The following NLN variants were observed in gnomAD, a reference collection of about 807,000 sequenced individuals.
NLN encodes neurolysin, mitochondrial.
A neutral mutation model predicts 79.9 loss-of-function variants in NLN; 64 were observed. The ratio of observed to expected loss-of-function variants is 0.80; its 90% CI spans 0.65 to 0.99. NLN has a LOEUF of 0.99. Ranked by LOEUF, NLN falls within the 50% of genes least tolerant of loss-of-function variation. The pLI is 0.00. For synonymous variants in NLN, 267 were observed against 296.6 expected (o/e 0.90, Z 1.02); for missense variants, 835 against 858.7 (o/e 0.97, Z 0.34).
intron 2 of NLN, among the ~76,000 whole-genome samples, chr5:65,761,482 G>A (rs544660246): frequency 6.6e-6 from 1 of 152,044 alleles, no homozygotes; most frequent in South Asian, 2.1e-4. Flanking sequence ...AGTAGAGACA[G>A]GATTTCACCA....
At chr5:65,739,849 T>A (rs1758833178) in intron 1 of NLN, among the ~76,000 whole-genome samples, 1 of 152,180 alleles carries the variant, frequency 6.6e-6, no homozygotes, top group Non-Finnish European at 1.5e-5. Context: ...TTTATTGGGG[T>A]TGTTTTCTTG....
chr5:65,807,941 A>T (rs1760452882), intron 9 of NLN, among the ~76,000 whole-genome samples: 1 of 152,228 alleles, frequency 6.6e-6, no homozygotes, highest in African/African-American at 2.4e-5. Context: ...GGAAAGTCTC[A>T]ACAGATGTTA....
chr5:65,744,463 C>T (rs1278679313), intron 1 of NLN, among the ~76,000 whole-genome samples: 1 of 146,560 alleles, frequency 6.8e-6, no homozygotes, highest in Non-Finnish European at 1.5e-5. Context: ...TAATAAGCTT[C>T]TCTCTCCCCT....
Position 65,785,804 on chromosome 5 carries a change from C to G in NLN, c.852C>G (p.Leu284=), listed in dbSNP as rs554293342. ...ACACCATAATTTTGCAGCAGCTACT[C>G]CCACTGCGAACCAAGGTGGCCAAAC... ...EENTIILQQL[L]PLRTKVAKLL... Residue 284 remains leucine (L), a synonymous_variant, in exon 7 of 13, where the codon CTC becomes CTG. Transcript: ENST00000380985. 7.7e-5 allele frequency: 124 copies of G among 1,613,658 alleles called. 1 individual carries two copies. In the South Asian group the frequency reaches 1.3e-3, roughly 16 times the overall value.
chr5:65,785,220 A>AT (rs1202569370), intron 6 of NLN, among the ~76,000 whole-genome samples: 1 of 152,098 alleles, frequency 6.6e-6, no homozygotes, highest in Non-Finnish European at 1.5e-5. Flanking sequence ...ATATGGTATA[A>AT]TTTTTTTAGG....
intron 12 of NLN, among the ~76,000 whole-genome samples, chr5:65,817,248 G>A (rs1446495214): frequency 3.3e-5 from 5 of 152,078 alleles, no homozygotes; most frequent in African/African-American, 7.2e-5. Context: ...ACATCACATC[G>A]TAACTGTTTA....
At chr5:65,813,472 T>C (rs1217936681) in intron 12 of NLN, among the ~76,000 whole-genome samples, 1 of 152,130 alleles carries the variant, frequency 6.6e-6, no homozygotes, top group East Asian at 1.9e-4. Context: ...GAAGATTGTA[T>C]GACTCCACTG....
chr5:65,748,951 A>G (rs1759043250), intron 1 of NLN, among the ~76,000 whole-genome samples: 1 of 152,130 alleles, frequency 6.6e-6, no homozygotes, highest in Admixed American at 6.5e-5. Context: ...ATGGGAGGTC[A>G]TTGAATCTGG....
At chr5:65,777,253 C>G (rs1270586217) in intron 3 of NLN, among the ~76,000 whole-genome samples, 174 bp from the exon 4 acceptor site, 1 of 152,182 alleles carries the variant, frequency 6.6e-6, no homozygotes, top group East Asian at 1.9e-4. Context: ...TTTAAATGAG[C>G]AGGAGCTCAC....
chr5:65,752,237 CA>C (rs35535658), intron 1 of NLN, among the ~76,000 whole-genome samples: 64,581 of 141,858 alleles, frequency 0.46, 14,759 homozygotes, highest in Non-Finnish European at 0.54. Flanking sequence ...GACCCTGTTT[CA>C]AAAAAAAAAA....
At chr5:65,776,326 A>G (rs1759679063) in intron 3 of NLN, among the ~76,000 whole-genome samples, 2 of 152,260 alleles carry the variant, frequency 1.3e-5, no homozygotes, top group South Asian at 2.1e-4. Flanking sequence ...TAGTTAAAAT[A>G]CAACTCTGTT....
intron 1 of NLN, among the ~76,000 whole-genome samples, chr5:65,739,014 A>T (rs1287099867): frequency 7.0e-6 from 1 of 141,950 alleles, no homozygotes; most frequent in Non-Finnish European, 1.5e-5. Flanking sequence ...ATATATATTT[A>T]TATATATAAA....
chr5:65,733,976 C>A (rs1295911375), intron 1 of NLN, among the ~76,000 whole-genome samples: 7 of 136,706 alleles, frequency 5.1e-5, no homozygotes, highest in Admixed American at 7.1e-5. Flanking sequence ...CGGCTCACTG[C>A]AACCTCTGCC....
At position 65,766,801 on chromosome 5, in the gene NLN, T is replaced by C. The variant is rs183002389; in HGVS notation, c.450+3693T>C. 9.8e-5 allele frequency among the ~76,000 whole-genome samples: 15 copies of C among 152,326 alleles called. No homozygotes were observed. The East Asian group carries it at 2.1e-3, about 22-fold the overall frequency. On this transcript the variant is annotated intron_variant, in intron 3 of 12. Transcript: ENST00000380985. ...AGTGTGGGTACAGGCGTTGGGTAAATGTTCACATTCCAAATGGGAGAAATT... is the reference window on the plus strand; with the variant it reads ...AGTGTGGGTACAGGCGTTGGGTAAACGTTCACATTCCAAATGGGAGAAATT...
intron 3 of NLN, among the ~76,000 whole-genome samples, chr5:65,773,128 T>C (rs1019423933): frequency 4.2e-5 from 1 of 24,090 alleles, no homozygotes; most frequent in Admixed American, 2.8e-4. Context: ...CTGAATTCTA[T>C]TTTTTTTTTT....
At chr5:65,813,500 G>A (rs1299767969) in intron 12 of NLN, among the ~76,000 whole-genome samples, 3 of 152,028 alleles carry the variant, frequency 2.0e-5, no homozygotes, top group African/African-American at 7.2e-5. Flanking sequence ...CAACTGCAAA[G>A]TCATGCATGT....
intron 1 of NLN, among the ~76,000 whole-genome samples, chr5:65,732,325 A>C (rs1758628192): frequency 1.1e-5 from 1 of 89,176 alleles, no homozygotes; most frequent in African/African-American, 4.5e-5. Flanking sequence ...GGAGCTAGTT[A>C]GTCAGGGGTT....
chr5:65,787,478 G>A lies in NLN; in HGVS notation c.959-640G>A, dbSNP rs534671883. On this transcript the variant is annotated intron_variant, in intron 7 of 12. Coordinates refer to ENST00000380985, the MANE Select transcript of NLN (RefSeq NM_020726.5). ...GAGCCAGGCATGTTTTTATCGTAAC[G>A]TATGTAACAAAATGTAAAAAATAAA... 5.9e-5 allele frequency among the ~76,000 whole-genome samples: 9 copies of A among 152,102 alleles called. No homozygotes were observed. The South Asian group carries it at 6.2e-4, about 11-fold the overall frequency.
chr5:65,812,520 C>T, intron 12 of NLN, 129 bp downstream of exon 12: 3 of 629,278 alleles, frequency 4.8e-6, no homozygotes, highest in Non-Finnish European at 8.3e-6. Context: ...CCTCTGAGGC[C>T]CTGCATCTTT....
Sources: allele counts gnomAD v4.1 joint callset (sites outside exome capture counted in the v4.1 genomes callset), GRCh38; gene constraint gnomAD v4.1.1; transcripts MANE v1.5; gene names NCBI Gene and HGNC (gene_info 2026-07-23, HGNC 2026-07-21).